The following PLSCR1 variants were observed in gnomAD, a reference collection of about 807,000 sequenced individuals.
PLSCR1 encodes phospholipid scramblase 1.
A neutral mutation model predicts 37.8 loss-of-function variants in PLSCR1; 17 were observed. The observed-to-expected ratio is 0.45, with a 90% CI of 0.31 to 0.68. The LOEUF (loss-of-function observed/expected upper bound fraction) is 0.68. Among genes scored for constraint, PLSCR1 ranks in the 30% least tolerant of loss-of-function variants. The pLI is 0.06. For missense variants in PLSCR1, 347 were observed against 380.9 expected, an observed-to-expected ratio of 0.91 and a Z score of 0.74; for synonymous variants, 116 against 125.9, an observed-to-expected ratio of 0.92 and a Z score of 0.53.
At chr3:146,530,199 G>C (rs2044176925) in intron 3 of PLSCR1, among the ~76,000 whole-genome samples, 1 of 152,144 alleles carries the variant, frequency 6.6e-6, no homozygotes. Context: ...TAAAGCCTAT[G>C]CAAAATGTAA....
rs374441644 is a variant in PLSCR1, at chr3:146,521,788, C to A, written c.576+45G>T. 45 of 1,576,004 alleles carry A rather than the reference C, an allele frequency of 2.9e-5. 1 individual carries two copies. In the Admixed American group the frequency reaches 7.0e-4, roughly 24 times the overall value. ...AAGGTTCAATGACAGGGCAGAAATT[C>A]TTGCTGAACTATTTTACAAAGTGCC... On this transcript the variant is annotated intron_variant, in intron 6 of 8. Coordinates refer to ENST00000342435, the MANE Select transcript of PLSCR1 (RefSeq NM_021105.3).
At chr3:146,527,420 T>G (rs1431229302) in intron 4 of PLSCR1, among the ~76,000 whole-genome samples, 1 of 152,230 alleles carries the variant, frequency 6.6e-6, no homozygotes, top group Admixed American at 6.5e-5. Context: ...ACGTAGTACA[T>G]GTGCATTAAA....
At chr3:146,522,670 C>T (rs919182889) in intron 5 of PLSCR1, among the ~76,000 whole-genome samples, 1 of 152,000 alleles carries the variant, frequency 6.6e-6, no homozygotes, top group Non-Finnish European at 1.5e-5. Flanking sequence ...TCCACCAGTC[C>T]GACACCCGTA....
intron 1 of PLSCR1, among the ~76,000 whole-genome samples, chr3:146,537,581 A>T (rs1055398679): frequency 1.1e-4 from 16 of 152,132 alleles, no homozygotes; most frequent in African/African-American, 3.9e-4. Flanking sequence ...GCTGTTTCAG[A>T]ATTATTTTTT....
At chr3:146,539,753 G>T (rs539627802) in intron 1 of PLSCR1, among the ~76,000 whole-genome samples, 2 of 152,184 alleles carry the variant, frequency 1.3e-5, no homozygotes, top group African/African-American at 4.8e-5. Context: ...ATAAAATCTG[G>T]GTCTTTGCTT....
intron 1 of PLSCR1, among the ~76,000 whole-genome samples, chr3:146,537,452 G>C (rs1256588017): frequency 2.0e-5 from 3 of 152,120 alleles, no homozygotes; most frequent in Non-Finnish European, 4.4e-5. Flanking sequence ...GCCCACTCCA[G>C]TGCTGGCTAC....
chr3:146,538,721 T>A (rs1476386372), intron 1 of PLSCR1, among the ~76,000 whole-genome samples: 5 of 152,172 alleles, frequency 3.3e-5, no homozygotes, highest in Admixed American at 6.5e-5. Context: ...TTTTTATTTT[T>A]TTTTATTTTT....
At chr3:146,525,450 T>A in intron 5 of PLSCR1, 155 bp downstream of exon 5, 1 of 560,792 alleles carries the variant, frequency 1.8e-6, no homozygotes. Context: ...ATTCCTAAAT[T>A]TTAGAAATGA....
chr3:146,519,596 A>G (rs1441566281), intron 7 of PLSCR1, among the ~76,000 whole-genome samples: 1 of 152,096 alleles, frequency 6.6e-6, no homozygotes, highest in African/African-American at 2.4e-5. Context: ...CTGTTTGCTG[A>G]AAACTCTCCA....
chr3:146,536,700 T>C, intron 1 of PLSCR1, 135 bp from the exon 2 acceptor site: 1 of 594,360 alleles, frequency 1.7e-6, no homozygotes, highest in South Asian at 2.2e-5. Context: ...CCCAGCCTTA[T>C]CTGGTCATTT....
intron 3 of PLSCR1, among the ~76,000 whole-genome samples, chr3:146,529,551 C>T (rs532778685): frequency 2.7e-5 from 4 of 149,670 alleles, no homozygotes; most frequent in South Asian, 2.1e-4. Flanking sequence ...CTTGCTCTGT[C>T]GCCCAGGCTG....
rs145714527 is a variant in PLSCR1, at chr3:146,517,219, G to A, written c.739-52C>T. ...TACTTTTAGGAAACTTATAGCAAAA[G>A]TACTTTCAAATTTGAAGTAAGATGA... is the stretch of plus-strand genomic sequence containing the variant. On this transcript the variant is annotated intron_variant, in intron 7 of 8. Coordinates refer to ENST00000342435, the MANE Select transcript of PLSCR1 (RefSeq NM_021105.3). 7,482 of 1,052,096 alleles carry A rather than the reference G, an allele frequency of 7.1e-3. 40 individuals carry two copies. The highest frequency in any genetic ancestry group is 8.9e-3 in the Non-Finnish European group (6,635 of 742,330). The allele number at this position is 1,052,096 out of a possible 1,614,324, so 65.2% of individuals were successfully genotyped here. A position where few individuals can be genotyped will look rare whatever the true frequency, so the allele number is the denominator to read the frequency against.
Position 146,523,144 on chromosome 3 carries a change from C to CT in PLSCR1, c.356-1092dup, listed in dbSNP as rs566739761. ...CTGGGCCCATTTTTCTTTCTCTATA[C>CT]TTTGTCTCTGTGTCTTTTCTTTTCC... On this transcript the variant is annotated intron_variant, in intron 5 of 8. Coordinates refer to ENST00000342435, the MANE Select transcript of PLSCR1 (RefSeq NM_021105.3). 9.2e-5 allele frequency among the ~76,000 whole-genome samples: 14 copies of CT among 152,328 alleles called. No homozygotes were observed. The East Asian group carries it at 2.5e-3, about 27-fold the overall frequency.
At chr3:146,519,471 C>T (rs568484426) in intron 7 of PLSCR1, among the ~76,000 whole-genome samples, 1 of 152,096 alleles carries the variant, frequency 6.6e-6, no homozygotes, top group African/African-American at 2.4e-5. Flanking sequence ...TTTTTTCCCC[C>T]TACCAAGAGT....
chr3:146,539,010 A>G (rs2044302833), intron 1 of PLSCR1, among the ~76,000 whole-genome samples: 1 of 152,110 alleles, frequency 6.6e-6, no homozygotes, highest in Admixed American at 6.5e-5. Context: ...GAAGCAGGGG[A>G]TGGTTTTGGG....
chr3:146,543,379 T>C (rs1490065802), intron 1 of PLSCR1, among the ~76,000 whole-genome samples: 1 of 152,238 alleles, frequency 6.6e-6, no homozygotes, highest in Non-Finnish European at 1.5e-5. Flanking sequence ...TTTATATGTC[T>C]TTTTCATTTC....
chr3:146,540,080 A>G (rs945151574), intron 1 of PLSCR1, among the ~76,000 whole-genome samples: 3 of 152,228 alleles, frequency 2.0e-5, no homozygotes, highest in African/African-American at 7.2e-5. Flanking sequence ...ATTCATAAAT[A>G]ATGGCTTCTA....
chr3:146,522,650 G>T (rs1328752678), intron 5 of PLSCR1, among the ~76,000 whole-genome samples: 1 of 152,184 alleles, frequency 6.6e-6, no homozygotes, highest in Non-Finnish European at 1.5e-5. Flanking sequence ...GGAAGGGAAA[G>T]ACCTGACCGT....
chr3:146,521,887 A>G lies in PLSCR1; in HGVS notation c.522T>C (p.Thr174=), dbSNP rs781661952. 8.7e-6 allele frequency: 14 copies of G among 1,613,932 alleles called. No homozygotes were observed. The highest frequency in any genetic ancestry group is 1.1e-5 in the Non-Finnish European group (13 of 1,179,942). ...TGCTACATCTTAGTGGTCTCTCCAG[A>G]GTTATGACTTCTTGACCCATATTAT... ...IIDNMGQEVI[T]LERPLRCSSC... The change falls in exon 6 of 9, where the codon ACT becomes ACC. Residue 174 remains threonine (T), a synonymous_variant. Coordinates refer to ENST00000342435, the MANE Select transcript of PLSCR1 (RefSeq NM_021105.3).
Sources: gnomAD v4.1 joint callset for allele counts (sites outside exome capture counted in the v4.1 genomes callset) on GRCh38, gnomAD v4.1.1 for gene constraint, MANE v1.5 for transcripts, NCBI Gene and HGNC (gene_info 2026-07-23, HGNC 2026-07-21) for gene names.